The following POT1 variants were observed in gnomAD, a reference collection of about 807,000 sequenced individuals.
POT1 encodes the protein protection of telomeres 1.
In POT1, 47 loss-of-function variants were observed where a neutral mutation model predicts 78.5. The ratio of observed to expected loss-of-function variants is 0.60; its 90% CI spans 0.47 to 0.76. The LOEUF (loss-of-function observed/expected upper bound fraction) is 0.76. Ranked by LOEUF, POT1 falls within the 30% of genes least tolerant of loss-of-function variation. The pLI is 0.00. For synonymous variants in POT1, 259 were observed against 260.7 expected (o/e 0.99, Z 0.06); for missense variants, 646 against 749.9 (o/e 0.86, Z 1.62).
intron 15 of POT1, among the ~76,000 whole-genome samples, chr7:124,832,789 T>C (rs1247307648): frequency 4.1e-5 from 6 of 146,638 alleles, no homozygotes; most frequent in African/African-American, 1.5e-4. Flanking sequence ...GCCACTGCAC[T>C]CCTATCTGGG....
At chr7:124,829,045 A>G in intron 16 of POT1, 1 of 748,918 alleles carries the variant, frequency 1.3e-6, no homozygotes, top group East Asian at 2.5e-5. Context: ...CATAGGGGAA[A>G]GTATGTGACG....
intron 14 of POT1, among the ~76,000 whole-genome samples, chr7:124,836,649 C>A (rs1055378076): frequency 2.6e-5 from 4 of 152,148 alleles, no homozygotes; most frequent in African/African-American, 7.2e-5. Context: ...GCCAGTCACA[C>A]GAGTTTGGCT....
intron 6 of POT1, among the ~76,000 whole-genome samples, chr7:124,891,269 A>C (rs1410835218): frequency 6.6e-6 from 1 of 151,692 alleles, no homozygotes; most frequent in Non-Finnish European, 1.5e-5. Flanking sequence ...GATATCCAAA[A>C]ACTGCCTGTT....
At chr7:124,878,342 G>A (rs1796038758) in intron 6 of POT1, among the ~76,000 whole-genome samples, 1 of 151,828 alleles carries the variant, frequency 6.6e-6, no homozygotes, top group African/African-American at 2.4e-5. Context: ...AAAAAGCAGG[G>A]GGTGGGGGGA....
At chr7:124,862,066 A>C (rs1795611150) in intron 8 of POT1, among the ~76,000 whole-genome samples, 4 of 152,134 alleles carry the variant, frequency 2.6e-5, no homozygotes, top group Admixed American at 2.6e-4. Context: ...CTTTTTGCTT[A>C]GGATTGTCTT....
intron 3 of POT1, among the ~76,000 whole-genome samples, chr7:124,912,979 T>C (rs2116690411): frequency 6.6e-6 from 1 of 152,282 alleles, no homozygotes; most frequent in Admixed American, 6.5e-5. Context: ...TCCACATAGC[T>C]GGGGAGGCCT....
intron 2 of POT1, among the ~76,000 whole-genome samples, chr7:124,927,509 C>T (rs943643384): frequency 6.6e-6 from 1 of 152,174 alleles, no homozygotes; most frequent in African/African-American, 2.4e-5. Context: ...AGACAACAAT[C>T]TATACAAGTG....
At chr7:124,826,697 C>T (rs1049709276) in intron 17 of POT1, among the ~76,000 whole-genome samples, 2 of 152,052 alleles carry the variant, frequency 1.3e-5, no homozygotes, top group Admixed American at 6.6e-5. Flanking sequence ...ATGGTGAAAC[C>T]CTGTCTCTAC....
chr7:124,852,847 CTA>C, intron 10 of POT1, 123 bp downstream of exon 10: 1 of 783,972 alleles, frequency 1.3e-6, no homozygotes, highest in Non-Finnish European at 2.0e-6. Flanking sequence ...TTTGGCTCAT[CTA>C]TTTAAAAACA....
At position 124,842,852 on chromosome 7, in the gene POT1, C is replaced by T; in HGVS notation, c.1118G>A (p.Arg373Lys). Reference protein sequence around the residue: ...RAKLRSYKPRRLFQSVKLHCP... With the variant: ...RAKLRSYKPRKLFQSVKLHCP... The stretch of plus-strand genomic sequence containing the variant: ...ATGAAGTTTAACAGACTGAAATAGT[C>T]TTCTGGGCTTATATGACCTCAATTT... Residue 373 changes from arginine to lysine, a missense_variant, in exon 13 of 19, where the codon AGA becomes AAA. Physicochemically the swap from Arg to Lys is conservative, Grantham distance 26. Coordinates refer to ENST00000357628, the MANE Select transcript of POT1 (RefSeq NM_015450.3). 6.2e-7 allele frequency: 1 copy of T among 1,606,292 alleles called. No homozygotes were observed. Among genetic ancestry groups the T allele is most frequent in the Non-Finnish European group, 8.5e-7 (1 of 1,178,164 alleles).
rs1472832603 is a variant in POT1, at chr7:124,846,962, C to T, written c.986G>A (p.Cys329Tyr). The T allele has an allele frequency of 2.5e-6, 4 of 1,605,128 alleles. No individual in the cohort carries two copies. The highest frequency in any genetic ancestry group is 3.4e-6 in the Non-Finnish European group (4 of 1,172,144). ...CTTACTTGTAGCAGATAGCTGTTGACATCTTTCTACCTCGTATAATGATAC... is the reference window on the plus strand; with the variant it reads ...CTTACTTGTAGCAGATAGCTGTTGATATCTTTCTACCTCGTATAATGATAC... ...GSVSLYEVER[C>Y]QQLSATILTD... Residue 329 changes from cysteine to tyrosine, a missense_variant, in exon 12 of 19, where the codon TGT becomes TAT. Physicochemically the swap from Cys to Tyr is radical, Grantham distance 194. Coordinates refer to ENST00000357628, the MANE Select transcript of POT1 (RefSeq NM_015450.3).
intron 6 of POT1, among the ~76,000 whole-genome samples, chr7:124,891,192 G>A (rs114379079): frequency 3.4e-4 from 52 of 151,580 alleles, no homozygotes; most frequent in African/African-American, 1.1e-3. Context: ...TGGATTAAGC[G>A]CTCTGATGTT....
At chr7:124,914,664 A>C (rs1796975053) in intron 3 of POT1, among the ~76,000 whole-genome samples, 1 of 152,228 alleles carries the variant, frequency 6.6e-6, no homozygotes, top group South Asian at 2.1e-4. Context: ...ACAAATTTAA[A>C]AATACATAGT....
chr7:124,908,248 T>C (rs566041806), intron 3 of POT1, among the ~76,000 whole-genome samples: 2 of 152,052 alleles, frequency 1.3e-5, no homozygotes, highest in Non-Finnish European at 1.5e-5. Context: ...ACGGCGTTGA[T>C]AGTGCAGTGA....
chr7:124,856,086 T>G (rs1795439794), intron 9 of POT1, among the ~76,000 whole-genome samples: 1 of 152,160 alleles, frequency 6.6e-6, no homozygotes, highest in South Asian at 2.1e-4. Flanking sequence ...TTATATTATA[T>G]TCTATAATTG....
rs770890978 is a variant in POT1, at chr7:124,859,115, G to T, written c.547-3C>A. ...GGTGTCCTGGTGCCATCCCATACCTGCCATAAGAGAGTAGAGTAGTTTTAT... is the reference window on the plus strand; with the variant it reads ...GGTGTCCTGGTGCCATCCCATACCTTCCATAAGAGAGTAGAGTAGTTTTAT... On this transcript the variant is annotated splice_region_variant and splice_polypyrimidine_tract_variant and intron_variant, in intron 8 of 18. Coordinates refer to ENST00000357628, the MANE Select transcript of POT1 (RefSeq NM_015450.3). 28 of 1,565,134 alleles carry T rather than the reference G, an allele frequency of 1.8e-5. No homozygotes were observed. Among genetic ancestry groups the T allele is most frequent in the Non-Finnish European group, 2.4e-5 (28 of 1,154,532 alleles).
chr7:124,877,933 T>C (rs1302600038), intron 6 of POT1, among the ~76,000 whole-genome samples: 1 of 151,484 alleles, frequency 6.6e-6, no homozygotes, highest in Non-Finnish European at 1.5e-5. Flanking sequence ...CGGAGCTTCC[T>C]TCTTTTTTCC....
intron 3 of POT1, among the ~76,000 whole-genome samples, chr7:124,914,640 CAATA>C (rs1796974578): frequency 6.6e-6 from 1 of 152,158 alleles, no homozygotes; most frequent in Non-Finnish European, 1.5e-5. Flanking sequence ...TATACTACAA[CAATA>C]AATAATAATA....
At chr7:124,919,811 C>T (rs1450685325) in intron 2 of POT1, among the ~76,000 whole-genome samples, 2 of 152,086 alleles carry the variant, frequency 1.3e-5, no homozygotes, top group East Asian at 3.9e-4. Flanking sequence ...AACTAATATA[C>T]CCTCTTTAAA....
Sources: gnomAD v4.1 joint callset for allele counts (sites outside exome capture counted in the v4.1 genomes callset) on GRCh38, gnomAD v4.1.1 for gene constraint, MANE v1.5 for transcripts, NCBI Gene and HGNC (gene_info 2026-07-23, HGNC 2026-07-21) for gene names.